Variants in TMEM163 observed in about 807,000 individuals in gnomAD.
The protein encoded by TMEM163 is transmembrane protein 163.
TMEM163 carries 17 observed loss-of-function variants against 29.3 expected under a neutral mutation model. That is an observed-to-expected ratio of 0.58 (90% confidence interval 0.40 to 0.87). The LOEUF (loss-of-function observed/expected upper bound fraction) is 0.87. Ranked by LOEUF, TMEM163 falls within the 40% of genes least tolerant of loss-of-function variation. The pLI, the probability that TMEM163 is intolerant of heterozygous loss-of-function variation, is 0.00. For missense variants in TMEM163, 303 were observed against 381.5 expected (o/e 0.79, Z 1.71); for synonymous variants, 157 against 160.6 (o/e 0.98, Z 0.17).
At chr2:134,458,681 A>G (rs1191104342) in intron 6 of TMEM163, 1 of 156,190 alleles carries the variant, frequency 6.4e-6, no homozygotes, top group Non-Finnish European at 1.4e-5. Context: ...TTCCGATGAG[A>G]AAACTAAGAA....
chr2:134,519,068 C>T (rs1168771409), intron 4 of TMEM163, among the ~76,000 whole-genome samples: 1 of 152,194 alleles, frequency 6.6e-6, no homozygotes, highest in African/African-American at 2.4e-5. Context: ...AGGATCAGGA[C>T]GTTCTCCTGG....
At chr2:134,504,005 G>A (rs1679760870) in intron 4 of TMEM163, among the ~76,000 whole-genome samples, 1 of 152,186 alleles carries the variant, frequency 6.6e-6, no homozygotes, top group Admixed American at 6.5e-5. Flanking sequence ...GATCATTCCT[G>A]TCCCAGCTTG....
intron 4 of TMEM163, among the ~76,000 whole-genome samples, chr2:134,514,679 A>C (rs1228025602): frequency 2.6e-5 from 4 of 152,130 alleles, no homozygotes; most frequent in Non-Finnish European, 4.4e-5. Flanking sequence ...CATTGCTCAC[A>C]TCAATTGCTC....
intron 4 of TMEM163, among the ~76,000 whole-genome samples, chr2:134,505,008 A>T (rs1574186684): frequency 6.6e-6 from 1 of 152,158 alleles, no homozygotes; most frequent in East Asian, 1.9e-4. Flanking sequence ...GACCTGGAGT[A>T]ACCATTCCTC....
intron 2 of TMEM163, among the ~76,000 whole-genome samples, chr2:134,589,697 T>C (rs1681899851): frequency 1.3e-5 from 2 of 152,300 alleles, no homozygotes; most frequent in South Asian, 4.1e-4. Context: ...ACCATAAAAA[T>C]AGCCAACCAG....
At chr2:134,687,992 G>A (rs1212869027) in intron 2 of TMEM163, among the ~76,000 whole-genome samples, 1 of 152,124 alleles carries the variant, frequency 6.6e-6, no homozygotes, top group East Asian at 1.9e-4. Flanking sequence ...AGGAACCAAG[G>A]AAGGCCAGAT....
intron 2 of TMEM163, among the ~76,000 whole-genome samples, chr2:134,595,407 T>G (rs985838530): frequency 6.6e-6 from 1 of 152,156 alleles, no homozygotes; most frequent in Admixed American, 6.5e-5. Flanking sequence ...AGAATGATGG[T>G]TTCCAGCTTC....
chr2:134,676,458 A>T (rs1402004948), intron 2 of TMEM163, among the ~76,000 whole-genome samples: 2 of 152,070 alleles, frequency 1.3e-5, no homozygotes, highest in Non-Finnish European at 2.9e-5. Context: ...GTAGATATAG[A>T]TATATATATA....
At position 134,708,010 on chromosome 2, in the gene TMEM163, C is replaced by T. The variant is rs141517433; in HGVS notation, c.322+5190G>A. The stretch of plus-strand genomic sequence containing the variant: ...CAGGCGATTCTCCTACTTCAGCCTC[C>T]CAAGTAGCTGGGATAACAGGCACGC... On this transcript the variant is annotated intron_variant, in intron 2 of 7. Transcript: ENST00000281924. Among the ~76,000 whole-genome samples the T allele has an allele frequency of 8.2e-4, 124 of 151,988 alleles. 1 individual carries two copies. The highest frequency in any genetic ancestry group is 2.9e-3 in the African/African-American group (119 of 41,428).
chr2:134,486,982 T>C (rs1203871941), intron 5 of TMEM163, among the ~76,000 whole-genome samples: 1 of 152,206 alleles, frequency 6.6e-6, no homozygotes, highest in African/African-American at 2.4e-5. Context: ...CAAAATTCAA[T>C]ACCTATATAC....
At chr2:134,607,026 T>C (rs1682388835) in intron 2 of TMEM163, among the ~76,000 whole-genome samples, 1 of 135,440 alleles carries the variant, frequency 7.4e-6, no homozygotes, top group East Asian at 2.2e-4. Context: ...CCCCGAGAAC[T>C]GTGCTGGTGA....
intron 2 of TMEM163, among the ~76,000 whole-genome samples, chr2:134,613,878 C>T (rs1682554736): frequency 6.6e-6 from 1 of 152,112 alleles, no homozygotes; most frequent in South Asian, 2.1e-4. Flanking sequence ...TTGGAAGATT[C>T]AACACAGTAA....
intron 2 of TMEM163, among the ~76,000 whole-genome samples, chr2:134,695,728 C>T (rs13382889): frequency 5.9e-5 from 9 of 152,220 alleles, no homozygotes; most frequent in African/African-American, 2.2e-4. Context: ...AAAAGCCTTT[C>T]TTTTACTTCC....
At chr2:134,632,824 G>A (rs1395795738) in intron 2 of TMEM163, among the ~76,000 whole-genome samples, 1 of 150,700 alleles carries the variant, frequency 6.6e-6, no homozygotes, top group African/African-American at 2.4e-5. Flanking sequence ...CTCACTGCAA[G>A]CTTTGCCTCC....
intron 2 of TMEM163, among the ~76,000 whole-genome samples, chr2:134,619,359 A>G (rs964645703): frequency 3.3e-5 from 5 of 152,226 alleles, no homozygotes; most frequent in African/African-American, 1.2e-4. Context: ...CCTTAATGAA[A>G]CATTAGCAAA....
At chr2:134,574,964 T>C (rs1266631816) in intron 2 of TMEM163, among the ~76,000 whole-genome samples, 1 of 150,968 alleles carries the variant, frequency 6.6e-6, no homozygotes, top group Non-Finnish European at 1.5e-5. Context: ...GTCCCCGTGG[T>C]GTAGCAGGGC....
At chr2:134,623,805 G>A (rs1477533813) in intron 2 of TMEM163, among the ~76,000 whole-genome samples, 1 of 152,104 alleles carries the variant, frequency 6.6e-6, no homozygotes, top group Non-Finnish European at 1.5e-5. Flanking sequence ...GGGGCCCAAA[G>A]AGGTGAAACA....
chr2:134,499,117 G>A (rs72853947), intron 5 of TMEM163, among the ~76,000 whole-genome samples: 20,223 of 152,140 alleles, frequency 0.13, 1,683 homozygotes, highest in Middle Eastern at 0.3. Context: ...ATTAATATAC[G>A]CATCACTGTG....
chr2:134,586,148 A>C (rs1184960371), intron 2 of TMEM163, among the ~76,000 whole-genome samples: 3 of 152,230 alleles, frequency 2.0e-5, no homozygotes, highest in East Asian at 3.8e-4. Context: ...CTGTTGGAGA[A>C]ATGGCTGTTT....
Sources: gnomAD v4.1 joint callset for allele counts (sites outside exome capture counted in the v4.1 genomes callset) on GRCh38, gnomAD v4.1.1 for gene constraint, MANE v1.5 for transcripts, NCBI Gene and HGNC (gene_info 2026-07-23, HGNC 2026-07-21) for gene names.